Variants in CUBN observed in about 807,000 individuals in gnomAD.
The protein encoded by CUBN is cubilin, also known as 460 kDa receptor.
In CUBN, 282 loss-of-function variants were observed where a neutral mutation model predicts 405.3. That is an observed-to-expected ratio of 0.70 (90% confidence interval 0.63 to 0.77). The LOEUF is 0.77. CUBN is among the 30% of genes least tolerant of loss of function. The probability of loss-of-function intolerance (pLI) is 0.00; values close to 1 mark genes in which losing one functional copy is unlikely to be tolerated. For synonymous variants in CUBN, 1,684 were observed against 1,617.0 expected, an observed-to-expected ratio of 1.04 and a Z score of -0.99; for missense variants, 4,514 against 4,475.2, an observed-to-expected ratio of 1.01 and a Z score of -0.25.
At position 17,126,733 on chromosome 10, in the gene CUBN, T is replaced by C. The variant is rs370034785; in HGVS notation, c.387+28A>G. 115 of 1,610,826 alleles carry C rather than the reference T, an allele frequency of 7.1e-5. No homozygotes were observed. The African/African-American group carries it at 1.5e-3, about 21-fold the overall frequency. Reference sequence around the variant, plus strand: ...ATTCTAGTATGTTTTCTGTGAAAGATTTGGGTATGTAGTAGCATGAGACCT... The same window carrying C: ...ATTCTAGTATGTTTTCTGTGAAAGACTTGGGTATGTAGTAGCATGAGACCT... On this transcript the variant is annotated intron_variant, in intron 4 of 66. Transcript: ENST00000377833.
chr10:16,875,064 T>C (rs1312100561), intron 57 of CUBN, among the ~76,000 whole-genome samples: 1 of 152,026 alleles, frequency 6.6e-6, no homozygotes, highest in Admixed American at 6.6e-5. Context: ...GTCTGGTGGA[T>C]TTGCAGTCAG....
At chr10:16,869,164 A>ATTTT (rs72310717) in intron 59 of CUBN, among the ~76,000 whole-genome samples, 15,735 of 120,904 alleles carry the variant, frequency 0.13, 1,473 homozygotes, top group East Asian at 0.31. Context: ...TACCAAAGTG[A>ATTTT]TTTTTTTTTT....
At chr10:16,941,421 C>T (rs542851642) in intron 36 of CUBN, among the ~76,000 whole-genome samples, 57 of 152,116 alleles carry the variant, frequency 3.7e-4, no homozygotes, top group Non-Finnish European at 5.1e-4. Flanking sequence ...GAAGAAAACA[C>T]GGAGAAAAAT....
rs1842989114 is a variant in CUBN, at chr10:16,954,123, A to AC, written c.4855+265_4855+266insG. Among the ~76,000 whole-genome samples, 4 of 76,926 alleles carry AC rather than the reference A, an allele frequency of 5.2e-5. No homozygotes were observed. The South Asian group carries it at 1.5e-3, about 30-fold the overall frequency. 50.5% of individuals were successfully genotyped at this position (76,926 alleles called of 152,430 possible). On this transcript the variant is annotated intron_variant, in intron 32 of 66. Coordinates refer to ENST00000377833, the MANE Select transcript of CUBN (RefSeq NM_001081.4). ...GGTAGTGCTAGATCAGTGAATTTGG[A>AC]TAAAACTTTTTTATACTGTTTCTAG...
intron 4 of CUBN, among the ~76,000 whole-genome samples, chr10:17,125,908 A>G (rs1837172069): frequency 6.6e-6 from 1 of 152,162 alleles, no homozygotes; most frequent in Non-Finnish European, 1.5e-5. Context: ...ATCTAAGTGG[A>G]GAAAAGGAAT....
chr10:17,074,748 G>A (rs1237639825), intron 17 of CUBN, among the ~76,000 whole-genome samples: 1 of 152,112 alleles, frequency 6.6e-6, no homozygotes, highest in Non-Finnish European at 1.5e-5. Context: ...AGTACAGCTT[G>A]CCTAGGTTTT....
At chr10:16,869,885 T>G (rs1312151060) in intron 58 of CUBN, 32 bp from the exon 59 acceptor site, 2 of 1,473,804 alleles carry the variant, frequency 1.4e-6, no homozygotes, top group African/African-American at 2.8e-5. Flanking sequence ...TACTGATGTT[T>G]CCATTTGGAC....
intron 10 of CUBN, among the ~76,000 whole-genome samples, chr10:17,107,413 C>G (rs987961056): frequency 5.3e-5 from 8 of 151,892 alleles, no homozygotes; most frequent in African/African-American, 1.5e-4. Flanking sequence ...ATAGAAAAAC[C>G]CTGCTGAATA....
At chr10:16,980,338 T>C (rs1293223203) in intron 31 of CUBN, among the ~76,000 whole-genome samples, 3 of 152,240 alleles carry the variant, frequency 2.0e-5, no homozygotes, top group Non-Finnish European at 1.5e-5. Flanking sequence ...ATCCCATTAC[T>C]GGGTATATAA....
intron 23 of CUBN, among the ~76,000 whole-genome samples, chr10:17,046,514 A>G (rs1202198681): frequency 6.6e-6 from 1 of 152,166 alleles, no homozygotes; most frequent in African/African-American, 2.4e-5. Flanking sequence ...AATGTAATAT[A>G]TCATATTTGA....
At chr10:16,890,105 G>A (rs1341276631) in intron 55 of CUBN, among the ~76,000 whole-genome samples, 1 of 152,028 alleles carries the variant, frequency 6.6e-6, no homozygotes, top group South Asian at 2.1e-4. Context: ...AGCCATCTGC[G>A]CTTCTGCCCA....
chr10:17,092,690 G>C (rs751451313), intron 14 of CUBN, among the ~76,000 whole-genome samples: 1 of 152,068 alleles, frequency 6.6e-6, no homozygotes, highest in Non-Finnish European at 1.5e-5. Context: ...GTAACATCAG[G>C]AAGTTACCCC....
chr10:17,081,066 G>A (rs2131859536), intron 17 of CUBN, among the ~76,000 whole-genome samples: 1 of 151,976 alleles, frequency 6.6e-6, no homozygotes, highest in South Asian at 2.1e-4. Flanking sequence ...AAAAAAGAAA[G>A]ATATGCTACA....
Position 16,855,338 on chromosome 10 carries a change from C to G in CUBN, c.9455-3895G>C, listed in dbSNP as rs1197742440. On this transcript the variant is annotated intron_variant, in intron 59 of 66. Transcript: ENST00000377833. ...CTGTGCACTTGATGTTAGGCTTAGC[C>G]CTACGACTTGCTTTAGAATGAGTGT... 3.3e-5 allele frequency among the ~76,000 whole-genome samples: 5 copies of G among 151,896 alleles called. No homozygotes were observed. In the East Asian group the frequency reaches 9.7e-4, roughly 29 times the overall value.
intron 54 of CUBN, among the ~76,000 whole-genome samples, chr10:16,892,507 T>C (rs1015519280): frequency 2.6e-5 from 4 of 152,050 alleles, no homozygotes; most frequent in Non-Finnish European, 5.9e-5. Context: ...TATATATGTA[T>C]TTTTTTGAGA....
At chr10:16,937,030 T>C (rs765072004) in intron 39 of CUBN, among the ~76,000 whole-genome samples, 2 of 152,156 alleles carry the variant, frequency 1.3e-5, no homozygotes, top group Non-Finnish European at 2.9e-5. Flanking sequence ...TTTAAAAATT[T>C]TTCAAGAAAA....
At chr10:17,078,246 C>T (rs1433607674) in intron 17 of CUBN, among the ~76,000 whole-genome samples, 1 of 146,482 alleles carries the variant, frequency 6.8e-6, no homozygotes. Flanking sequence ...TCCTGCCTAA[C>T]TCATATTTCT....
intron 14 of CUBN, among the ~76,000 whole-genome samples, chr10:17,090,381 G>C (rs1836227285): frequency 6.6e-6 from 1 of 151,914 alleles, no homozygotes; most frequent in African/African-American, 2.4e-5. Context: ...TCTAATGGGG[G>C]AGAAAGAACA....
chr10:17,028,334 C>T (rs1314990059), intron 27 of CUBN, among the ~76,000 whole-genome samples: 8 of 151,824 alleles, frequency 5.3e-5, no homozygotes, highest in South Asian at 2.1e-4. Flanking sequence ...CATAGAACAA[C>T]GTGAAATCAT....
Sources: gnomAD v4.1 joint callset for allele counts (sites outside exome capture counted in the v4.1 genomes callset) on GRCh38, gnomAD v4.1.1 for gene constraint, MANE v1.5 for transcripts, NCBI Gene and HGNC (gene_info 2026-07-23, HGNC 2026-07-21) for gene names.